Variants in DNAJC5 observed in about 807,000 individuals in gnomAD.
The protein encoded by DNAJC5 is DnaJ heat shock protein family (Hsp40) member C5.
In DNAJC5, 1 loss-of-function variant was observed where a neutral mutation model predicts 23.2. The ratio of observed to expected loss-of-function variants is 0.04; its 90% CI spans 0.02 to 0.20. The LOEUF is 0.20. DNAJC5 is among the 10% of genes least tolerant of loss of function. The probability of loss-of-function intolerance (pLI) is 1.00; values close to 1 mark genes in which losing one functional copy is unlikely to be tolerated. For missense variants in DNAJC5, 180 were observed against 267.0 expected, an observed-to-expected ratio of 0.67 and a Z score of 2.27; for synonymous variants, 136 against 120.0, an observed-to-expected ratio of 1.13 and a Z score of -0.87.
In DNAJC5 at chr20:63,909,409, A is replaced by G. The variant is rs928408390; in HGVS notation, c.-12+14086A>G. ...TCCCAGCTACTCGGGAGGCTGAGGC[A>G]GGAGAATGGCGTGAACCAGGGAGGC... On this transcript the variant is annotated intron_variant, in intron 1 of 4. Transcript: ENST00000360864. Among the ~76,000 whole-genome samples, 24 of 152,094 alleles carry G rather than the reference A, an allele frequency of 1.6e-4. 1 individual carries two copies. In the East Asian group the frequency reaches 4.4e-3, roughly 28 times the overall value.
intron 1 of DNAJC5, among the ~76,000 whole-genome samples, chr20:63,910,404 A>G (rs2053475019): frequency 6.6e-6 from 1 of 151,900 alleles, no homozygotes; most frequent in Non-Finnish European, 1.5e-5. Flanking sequence ...TTAGCTGGGC[A>G]TGGTTGCGAG....
chr20:63,895,171 G>GCCGGTGCCGCACCCGCGC lies in DNAJC5; in HGVS notation c.-161_-144dup, dbSNP rs1471678195. On this transcript the variant is annotated 5_prime_UTR_variant, in exon 1 of 5. Coordinates refer to ENST00000360864, the MANE Select transcript of DNAJC5 (RefSeq NM_025219.3). ...CTCCGCTGCCGCTGCCGCTGCCGCTGCCGGTGCCGCACCCGCGCCCTCTGC... is the reference window on the plus strand; with the variant it reads ...CTCCGCTGCCGCTGCCGCTGCCGCTGCCGGTGCCGCACCCGCGCCCGGTGCCGCACCCGCGCCCTCTGC... The GCCGGTGCCGCACCCGCGC allele has an allele frequency of 1.1e-3, 169 of 154,190 alleles. No individual in the cohort carries two copies. The highest frequency in any genetic ancestry group is 1.4e-3 in the Non-Finnish European group (98 of 69,654). 9.6% of individuals were successfully genotyped at this position (154,190 alleles called of 1,614,324 possible).
chr20:63,925,618 G>A (rs908700365), intron 1 of DNAJC5, among the ~76,000 whole-genome samples: 1 of 151,932 alleles, frequency 6.6e-6, no homozygotes, highest in Non-Finnish European at 1.5e-5. Flanking sequence ...CAGCTGTCAG[G>A]CTTTAAACTG....
chr20:63,913,110 G>GTCTCCATCTCC (rs1600867588), intron 1 of DNAJC5, among the ~76,000 whole-genome samples: 1 of 80,380 alleles, frequency 1.2e-5, no homozygotes, highest in African/African-American at 8.7e-5. Context: ...CTCTCCCAGA[G>GTCTCCATCTCC]GTGTTTGCTG....
rs966450131 is a variant in DNAJC5 at position 63,920,674 on chromosome 20, TTTTA to T, written c.-11-7645_-11-7642del. Among the ~76,000 whole-genome samples the T allele has an allele frequency of 1.3e-5, 2 of 152,182 alleles. No homozygotes were observed. The stretch of plus-strand genomic sequence containing the variant: ...TTTTTGTTTGCTTTTAATTTTTAAT[TTTTA>T]TTTATTTATTTATTTTTGAGACTGA... On this transcript the variant is annotated intron_variant, in intron 1 of 4. Transcript: ENST00000360864. This position sits in a 1 kb window ranked among gnomAD's most constrained non-coding sequence, Gnocchi z 4.6.
chr20:63,917,472 C>G (rs780172267), intron 1 of DNAJC5, among the ~76,000 whole-genome samples: 1 of 152,016 alleles, frequency 6.6e-6, no homozygotes, highest in Admixed American at 6.6e-5. Context: ...AGGCTGGTCT[C>G]AAACTCCTGA....
In DNAJC5 at chr20:63,931,747, C is replaced by T. The variant is rs555245819; in HGVS notation, c.*179C>T. The T allele has an allele frequency of 4.4e-6, 3 of 676,412 alleles. No individual in the cohort carries two copies. The highest frequency in any genetic ancestry group is 3.6e-5 in the African/African-American group (2 of 56,212). 41.9% of individuals were successfully genotyped at this position (676,412 alleles called of 1,614,324 possible). A position where few individuals can be genotyped will look rare whatever the true frequency, so the allele number is the denominator to read the frequency against. On this transcript the variant is annotated 3_prime_UTR_variant, in exon 5 of 5. Transcript: ENST00000360864. The surrounding 1 kb of genome is among the most constrained non-coding windows in gnomAD (Gnocchi z 9.6). ...CTTGACCCACGAAGTGCGTAGCATG[C>T]AGTATTTAAAGCAGTGTAGCTACGG...
intron 1 of DNAJC5, among the ~76,000 whole-genome samples, chr20:63,927,542 C>G (rs548531799): frequency 1.3e-4 from 20 of 149,134 alleles, no homozygotes; most frequent in Admixed American, 6.7e-4. Flanking sequence ...CTGTCCCCCC[C>G]CCCAAAAAAG....
chr20:63,903,341 C>G (rs1264859864), intron 1 of DNAJC5, among the ~76,000 whole-genome samples: 1 of 152,140 alleles, frequency 6.6e-6, no homozygotes, highest in African/African-American at 2.4e-5. Context: ...GAGATGGAGT[C>G]TCTGTCACCA....
At position 63,932,026 on chromosome 20, in the gene DNAJC5, G is replaced by A. The variant is rs941396645; in HGVS notation, c.*458G>A. The A allele has an allele frequency of 3.2e-6, 1 of 316,118 alleles. No individual in the cohort carries two copies. 19.6% of individuals were successfully genotyped at this position (316,118 alleles called of 1,614,324 possible). A position where few individuals can be genotyped will look rare whatever the true frequency, so the allele number is the denominator to read the frequency against. On this transcript the variant is annotated 3_prime_UTR_variant, in exon 5 of 5. Transcript: ENST00000360864. The surrounding 1 kb of genome is among the most constrained non-coding windows in gnomAD (Gnocchi z 4.4). ...AGAGCTGTGTTACCGTCTTGGCCTC[G>A]GGGTCTGGTCCACACTCTGTGCTCC...
At chr20:63,909,288 A>G (rs2053466838) in intron 1 of DNAJC5, among the ~76,000 whole-genome samples, 1 of 151,996 alleles carries the variant, frequency 6.6e-6, no homozygotes, top group Non-Finnish European at 1.5e-5. Flanking sequence ...TCCCAAGGTC[A>G]GGAGATCGAT....
chr20:63,923,783 T>A (rs564702088), intron 1 of DNAJC5, among the ~76,000 whole-genome samples: 38 of 152,338 alleles, frequency 2.5e-4, no homozygotes, highest in African/African-American at 8.9e-4. Context: ...GATTCTATCC[T>A]GAAATGGTAA....
intron 1 of DNAJC5, among the ~76,000 whole-genome samples, chr20:63,924,975 G>A (rs2053600274): frequency 6.6e-6 from 1 of 152,234 alleles, no homozygotes; most frequent in African/African-American, 2.4e-5. Context: ...GACATTGAAG[G>A]GTGAGGAGGG....
At chr20:63,895,791 G>T (rs576464969) in intron 1 of DNAJC5, among the ~76,000 whole-genome samples, 2 of 152,214 alleles carry the variant, frequency 1.3e-5, no homozygotes, top group Admixed American at 1.3e-4. Context: ...GTTCTGTAAC[G>T]CATCGTAAAT....
intron 1 of DNAJC5, among the ~76,000 whole-genome samples, chr20:63,926,641 C>T (rs1378175407): frequency 6.6e-6 from 1 of 152,232 alleles, no homozygotes. Flanking sequence ...TAATAACAGT[C>T]CAAGGACAGG....
intron 1 of DNAJC5, among the ~76,000 whole-genome samples, chr20:63,897,381 C>CA (rs989168164): frequency 6.7e-6 from 1 of 150,190 alleles, no homozygotes; most frequent in African/African-American, 2.5e-5. Context: ...GCAAAAAGAG[C>CA]AAAACTCCAT....
At position 63,924,187 on chromosome 20, in the gene DNAJC5, TA is replaced by T. The variant is rs1458791820; in HGVS notation, c.-11-4141del. On this transcript the variant is annotated intron_variant, in intron 1 of 4. Transcript: ENST00000360864. ...TGTCTGCTACATTTCCTTATACATT[TA>T]AAAAAATCAGTATCAGTTTCTGCAA... 4.4e-4 allele frequency among the ~76,000 whole-genome samples: 57 copies of T among 129,680 alleles called. No homozygotes were observed. In the East Asian group the frequency reaches 0.029, roughly 66 times the overall value. 85.1% of individuals were successfully genotyped at this position (129,680 alleles called of 152,430 possible). A position where few individuals can be genotyped will look rare whatever the true frequency, so the allele number is the denominator to read the frequency against.
chr20:63,906,024 G>T (rs1005808087), intron 1 of DNAJC5, among the ~76,000 whole-genome samples: 16 of 152,062 alleles, frequency 1.1e-4, no homozygotes, highest in African/African-American at 3.6e-4. Context: ...GAGCCACTAT[G>T]CCCGGCCCAG....
rs1600884246 is a variant in DNAJC5 at position 63,928,251 on chromosome 20, G to C, written c.-11-84G>C. 2.6e-5 allele frequency: 29 copies of C among 1,131,578 alleles called. No homozygotes were observed. In the South Asian group the frequency reaches 3.5e-4, roughly 14 times the overall value. 70.1% of individuals were successfully genotyped at this position (1,131,578 alleles called of 1,614,324 possible). On this transcript the variant is annotated intron_variant, in intron 1 of 4. Coordinates refer to ENST00000360864, the MANE Select transcript of DNAJC5 (RefSeq NM_025219.3). This position sits in a 1 kb window ranked among gnomAD's most constrained non-coding sequence, Gnocchi z 4.6. ...GTGTTGGATTCTTTTGCTTTGAACG[G>C]TCTTATGGAATAAAGTCCATCAGCT...
Sources: gnomAD v4.1 joint callset for allele counts (sites outside exome capture counted in the v4.1 genomes callset) on GRCh38, gnomAD v4.1.1 for gene constraint, Gnocchi (gnomAD v3.1) non-coding constraint, MANE v1.5 for transcripts, NCBI Gene and HGNC (gene_info 2026-07-23, HGNC 2026-07-21) for gene names.